Variants in TTC28 observed in about 807,000 individuals in gnomAD.
The protein encoded by TTC28 is tetratricopeptide repeat protein 28.
A neutral mutation model predicts 198.0 loss-of-function variants in TTC28; 61 were observed. That is an observed-to-expected ratio of 0.31 (90% CI 0.25 to 0.38). The LOEUF (loss-of-function observed/expected upper bound fraction) is 0.38, where lower values mean the gene tolerates loss of function less well. TTC28 is among the 10% of genes least tolerant of loss of function. The probability of loss-of-function intolerance (pLI) is 1.00; values close to 1 mark genes in which losing one functional copy is unlikely to be tolerated. For synonymous variants in TTC28, 1,171 were observed against 1,297.8 expected (o/e 0.90, Z 2.10); for missense variants, 2,678 against 3,164.0 (o/e 0.85, Z 3.69).
intron 5 of TTC28, among the ~76,000 whole-genome samples, chr22:28,196,798 T>C (rs1486187797): frequency 4.6e-5 from 7 of 152,150 alleles, no homozygotes; most frequent in Non-Finnish European, 8.8e-5. Flanking sequence ...TGTGGAGAAA[T>C]AGGAACACTT....
chr22:28,591,878 C>A (rs1302751172), intron 2 of TTC28, among the ~76,000 whole-genome samples: 5 of 152,026 alleles, frequency 3.3e-5, no homozygotes, highest in Non-Finnish European at 7.4e-5. Flanking sequence ...TTACATTCCA[C>A]TTTGATATTT....
intron 5 of TTC28, among the ~76,000 whole-genome samples, chr22:28,270,174 T>C (rs1931961854): frequency 6.6e-6 from 1 of 151,996 alleles, no homozygotes; most frequent in East Asian, 1.9e-4. Context: ...GCACGTAAGG[T>C]ATGTATTGAT....
At chr22:28,030,111 G>T in intron 13 of TTC28, 115 bp downstream of exon 13, 1 of 1,411,238 alleles carries the variant, frequency 7.1e-7, no homozygotes, top group Non-Finnish European at 9.4e-7. Flanking sequence ...TGCTGCAAAT[G>T]CATGACACGA....
chr22:28,326,975 AACAC>A (rs57349023), intron 2 of TTC28, among the ~76,000 whole-genome samples: 24,913 of 142,678 alleles, frequency 0.17, 2,169 homozygotes, highest in East Asian at 0.33. Flanking sequence ...CACAAACACA[AACAC>A]ACACACACAC....
chr22:28,539,658 G>A (rs1465733695), intron 2 of TTC28, among the ~76,000 whole-genome samples: 1 of 151,276 alleles, frequency 6.6e-6, no homozygotes, highest in African/African-American at 2.4e-5. Context: ...GAAAGAAATA[G>A]ACAGAGAAAG....
chr22:28,197,695 A>T (rs1192755366), intron 5 of TTC28, among the ~76,000 whole-genome samples: 5 of 152,108 alleles, frequency 3.3e-5, no homozygotes, highest in African/African-American at 9.7e-5. Context: ...ATCTTCCATA[A>T]ATAAGGACTG....
intron 2 of TTC28, among the ~76,000 whole-genome samples, chr22:28,560,712 T>C (rs2049856330): frequency 6.6e-6 from 1 of 152,136 alleles, no homozygotes; most frequent in Non-Finnish European, 1.5e-5. Context: ...TGAACTTCCC[T>C]GACATTTCTA....
chr22:28,502,210 G>A (rs1166319065), intron 2 of TTC28, among the ~76,000 whole-genome samples: 16 of 152,122 alleles, frequency 1.1e-4, no homozygotes, highest in Admixed American at 1.0e-3. Flanking sequence ...GCCTCGTATA[G>A]CATAATCCCC....
chr22:28,332,123 G>A (rs945015448), intron 2 of TTC28, among the ~76,000 whole-genome samples: 26 of 152,044 alleles, frequency 1.7e-4, no homozygotes, highest in Non-Finnish European at 2.4e-4. Context: ...CAGATTTCAC[G>A]TCAATTTTTA....
At chr22:28,174,448 A>G (rs5762508) in intron 5 of TTC28, among the ~76,000 whole-genome samples, 9,092 of 152,334 alleles carry the variant, frequency 0.06, 348 homozygotes, top group East Asian at 0.14. Flanking sequence ...TAAAAAGACA[A>G]CACAAGAAGT....
At position 28,116,835 on chromosome 22, in the gene TTC28, G is replaced by A. The variant is rs150115568; in HGVS notation, c.1442-8432C>T. ...AAGTGTAGTCAAGTGGAATTTGTGC[G>A]CTTTCCTGATTCAGGCCCAATCCAG... On this transcript the variant is annotated intron_variant, in intron 6 of 22. Transcript: ENST00000397906. 2.0e-3 allele frequency among the ~76,000 whole-genome samples: 312 copies of A among 152,258 alleles called. 1 individual carries two copies. Among genetic ancestry groups the A allele is most frequent in the African/African-American group, 6.7e-3 (279 of 41,538 alleles).
intron 2 of TTC28, among the ~76,000 whole-genome samples, chr22:28,569,906 A>ACTTT (rs1229558812): frequency 5.3e-5 from 8 of 152,210 alleles, no homozygotes; most frequent in African/African-American, 1.9e-4. Flanking sequence ...ATGAACAGAC[A>ACTTT]CTTTTCGAAA....
intron 1 of TTC28, among the ~76,000 whole-genome samples, chr22:28,671,075 G>T (rs768670112): frequency 7.9e-5 from 12 of 151,962 alleles, no homozygotes; most frequent in Non-Finnish European, 1.8e-4. Flanking sequence ...CTGCAGCTGC[G>T]ATTTCCCAGG....
chr22:28,265,355 C>T (rs1358041950), intron 5 of TTC28, among the ~76,000 whole-genome samples: 1 of 152,186 alleles, frequency 6.6e-6, no homozygotes, highest in African/African-American at 2.4e-5. Context: ...CATTAGTTCA[C>T]TTACTCCCAA....
chr22:28,001,772 A>G (rs985065233), intron 14 of TTC28: 4 of 583,102 alleles, frequency 6.9e-6, no homozygotes, highest in Non-Finnish European at 1.2e-5. Context: ...GCCTGGCAGC[A>G]TCCATCTGCC....
intron 6 of TTC28, among the ~76,000 whole-genome samples, chr22:28,127,099 A>G (rs1028630090): frequency 6.6e-6 from 1 of 152,214 alleles, no homozygotes; most frequent in Admixed American, 6.5e-5. Context: ...AAGGTTTGAC[A>G]TAACTATAAC....
chr22:28,415,672 G>C (rs1278022275), intron 2 of TTC28, among the ~76,000 whole-genome samples: 1 of 152,170 alleles, frequency 6.6e-6, no homozygotes, highest in Non-Finnish European at 1.5e-5. Context: ...CTGAGGCTTT[G>C]AATGGGTACA....
intron 6 of TTC28, among the ~76,000 whole-genome samples, chr22:28,111,512 G>A (rs1462276080): frequency 3.3e-5 from 5 of 151,620 alleles, no homozygotes; most frequent in Non-Finnish European, 5.9e-5. Context: ...CAAATTTCCA[G>A]GTTTCCTCAG....
At chr22:28,464,516 T>G (rs34586539) in intron 2 of TTC28, among the ~76,000 whole-genome samples, 2,900 of 152,338 alleles carry the variant, frequency 0.019, 44 homozygotes, top group Non-Finnish European at 0.03. Context: ...TTCTTGATTT[T>G]TATTTTTCAA....
Sources: allele counts gnomAD v4.1 joint callset (sites outside exome capture counted in the v4.1 genomes callset), GRCh38; gene constraint gnomAD v4.1.1; transcripts MANE v1.5; gene names NCBI Gene and HGNC (gene_info 2026-07-23, HGNC 2026-07-21).